The following FOCAD variants were observed in gnomAD, a reference collection of about 807,000 sequenced individuals.
FOCAD encodes the protein KIAA1797.
In FOCAD, 198 loss-of-function variants were observed where a neutral mutation model predicts 225.6. That is an observed-to-expected ratio of 0.88 (90% CI 0.78 to 0.99). FOCAD has a LOEUF of 0.99. Among genes scored for constraint, FOCAD ranks in the 50% least tolerant of loss-of-function variants. The pLI is 0.00. For synonymous variants in FOCAD, 897 were observed against 755.0 expected (o/e 1.19, Z -3.08); for missense variants, 2,713 against 2,123.6 (o/e 1.28, Z -5.46).
Position 20,789,382 on chromosome 9 carries a change from G to A in FOCAD, c.1229G>A (p.Ser410Asn). ...TACAAGCTTGTGTGCCCTGTAACCA[G>A]TATGTATGGTACAATATTTACAGCC... ...LSYKLVCPVTSMYGTIFTAWR... is the reference protein window; with the variant it reads ...LSYKLVCPVTNMYGTIFTAWR... The change falls in exon 11 of 44, where the codon AGT becomes AAT. Residue 410 changes from serine (S) to asparagine (N), a missense_variant. Transcript: ENST00000338382. 6.2e-7 allele frequency: 1 copy of A among 1,613,944 alleles called. No homozygotes were observed. The highest frequency in any genetic ancestry group is 8.5e-7 in the Non-Finnish European group (1 of 1,179,922).
chr9:20,938,724 TAAAG>T (rs1836291836), intron 28 of FOCAD, among the ~76,000 whole-genome samples: 1 of 151,798 alleles, frequency 6.6e-6, no homozygotes, highest in African/African-American at 2.4e-5. Context: ...AAACTTATAA[TAAAG>T]AAAAGAAAAG....
At chr9:20,874,508 T>G in intron 18 of FOCAD, 173 bp from the exon 19 acceptor site, 1 of 597,686 alleles carries the variant, frequency 1.7e-6, no homozygotes, top group Non-Finnish European at 2.8e-6. Flanking sequence ...GACCATTTAG[T>G]TAATCTAAAA....
intron 38 of FOCAD, among the ~76,000 whole-genome samples, chr9:20,982,065 C>G (rs982569211): frequency 1.1e-4 from 17 of 152,080 alleles, no homozygotes; most frequent in African/African-American, 4.1e-4. Context: ...CTTCCCTCCC[C>G]CAAAAGACCT....
chr9:20,951,163 TTTG>T (rs1380701002), intron 34 of FOCAD, 65 bp downstream of exon 34: 11 of 1,211,988 alleles, frequency 9.1e-6, no homozygotes, highest in East Asian at 2.3e-5. Context: ...CGCTCTGTAG[TTTG>T]TTAAGAGCAT....
chr9:20,681,646 A>G (rs1822400694), upstream of FOCAD, among the ~76,000 whole-genome samples: 1 of 152,230 alleles, frequency 6.6e-6, no homozygotes, highest in Non-Finnish European at 1.5e-5. Flanking sequence ...GGTCTCCAGA[A>G]TGAGCTGGCT....
At chr9:20,774,685 T>A (rs563743222) in intron 8 of FOCAD, among the ~76,000 whole-genome samples, 2 of 152,220 alleles carry the variant, frequency 1.3e-5, no homozygotes, top group Non-Finnish European at 2.9e-5. Context: ...CCACTGGGAA[T>A]CTATTAATAA....
At position 20,810,184 on chromosome 9, in the gene FOCAD, C is replaced by G. The variant is rs117133317; in HGVS notation, c.1456-9612C>G. ...TCCCAGTGAAGTCACACAGGGTGTA[C>G]TGAATTCCTTCAGCATTGAATGATG... On this transcript the variant is annotated intron_variant, in intron 11 of 43. Transcript: ENST00000338382. 8.2e-3 allele frequency among the ~76,000 whole-genome samples: 1,250 copies of G among 152,252 alleles called. 11 individuals carry two copies. The highest frequency in any genetic ancestry group is 0.014 in the Non-Finnish European group (951 of 67,964).
chr9:20,950,860 A>T, intron 33 of FOCAD, 136 bp from the exon 34 acceptor site: 1 of 688,870 alleles, frequency 1.5e-6, no homozygotes, highest in Admixed American at 2.2e-5. Flanking sequence ...ACATGATATT[A>T]CATCTTGTCA....
At chr9:20,798,258 A>G (rs1821362786) in intron 11 of FOCAD, among the ~76,000 whole-genome samples, 1 of 152,158 alleles carries the variant, frequency 6.6e-6, no homozygotes, top group Admixed American at 6.5e-5. Context: ...CCAGTATTTT[A>G]TTGAATATTT....
At chr9:20,658,313 G>C (rs1205064092) in exon 1 of FOCAD, 8 of 162,898 alleles carry the variant, frequency 4.9e-5, no homozygotes, top group Admixed American at 1.3e-4. Context: ...CGCCCAGTTC[G>C]AGCTTCCCGG....
At chr9:20,802,207 C>T (rs1335541636) in intron 11 of FOCAD, among the ~76,000 whole-genome samples, 1 of 152,010 alleles carries the variant, frequency 6.6e-6, no homozygotes, top group Non-Finnish European at 1.5e-5. Context: ...TTGCTTGTTA[C>T]CATTTTTTTG....
In FOCAD at chr9:20,946,644, C is replaced by T. The variant is rs577095897; in HGVS notation, c.3556-57C>T. Reference sequence around the variant, plus strand: ...TGACAGAATATCTTGTCAACTAAACCGAGTTCTTTTATTTTTCCTCCTGAA... The same window carrying T: ...TGACAGAATATCTTGTCAACTAAACTGAGTTCTTTTATTTTTCCTCCTGAA... On this transcript the variant is annotated intron_variant, in intron 29 of 43. Coordinates refer to ENST00000338382, the MANE Select transcript of FOCAD (RefSeq NM_001375567.1). 128 of 1,556,140 alleles carry T rather than the reference C, an allele frequency of 8.2e-5. 1 individual carries two copies. The East Asian group carries it at 1.6e-3, about 19-fold the overall frequency.
intron 1 of FOCAD, among the ~76,000 whole-genome samples, chr9:20,701,786 T>C (rs1823974775): frequency 6.6e-6 from 1 of 152,238 alleles, no homozygotes; most frequent in South Asian, 2.1e-4. Context: ...TCCTTTAATA[T>C]GTAATGTTTG....
chr9:20,800,607 A>G (rs978309528), intron 11 of FOCAD, among the ~76,000 whole-genome samples: 4 of 152,034 alleles, frequency 2.6e-5, no homozygotes, highest in Admixed American at 2.0e-4. Context: ...TTGATCTTCC[A>G]TCACTGATAC....
At chr9:20,744,902 C>T (rs941547293) in intron 5 of FOCAD, among the ~76,000 whole-genome samples, 2 of 152,140 alleles carry the variant, frequency 1.3e-5, no homozygotes, top group Admixed American at 6.5e-5. Flanking sequence ...AATCAGTGGG[C>T]AACAAGTTTG....
chr9:20,717,070 T>A (rs1238180630), intron 2 of FOCAD, among the ~76,000 whole-genome samples: 1 of 152,210 alleles, frequency 6.6e-6, no homozygotes, highest in Non-Finnish European at 1.5e-5. Flanking sequence ...TACTAGGAGA[T>A]AAGAGACAGT....
chr9:20,811,219 A>G (rs769215522), intron 11 of FOCAD, among the ~76,000 whole-genome samples: 13 of 152,122 alleles, frequency 8.5e-5, no homozygotes, highest in Non-Finnish European at 1.5e-4. Flanking sequence ...ATGAGATGTC[A>G]TCCCTGTCTT....
At chr9:20,911,012 T>A in intron 22 of FOCAD, among the ~76,000 whole-genome samples, 1 of 152,126 alleles carries the variant, frequency 6.6e-6, no homozygotes, top group South Asian at 2.1e-4. Context: ...TTAAACGGAT[T>A]TTTAAAATTT....
intron 6 of FOCAD, among the ~76,000 whole-genome samples, chr9:20,760,897 A>T (rs918574823): frequency 3.9e-5 from 6 of 152,278 alleles, no homozygotes; most frequent in African/African-American, 1.4e-4. Context: ...TAATGAGTAT[A>T]TGAGTAGCGA....
Sources: allele counts gnomAD v4.1 joint callset (sites outside exome capture counted in the v4.1 genomes callset), GRCh38; gene constraint gnomAD v4.1.1; transcripts MANE v1.5; gene names NCBI Gene and HGNC (gene_info 2026-07-23, HGNC 2026-07-21).